Variants in SEZ6L observed in about 807,000 individuals in gnomAD.
The protein encoded by SEZ6L is seizure related 6 homolog like.
A neutral mutation model predicts 106.2 loss-of-function variants in SEZ6L; 37 were observed. The ratio of observed to expected loss-of-function variants is 0.35; its 90% CI spans 0.27 to 0.46. The LOEUF (loss-of-function observed/expected upper bound fraction) is 0.46. Ranked by LOEUF, SEZ6L falls within the 20% of genes least tolerant of loss-of-function variation. The pLI is 1.00. For synonymous variants in SEZ6L, 541 were observed against 570.4 expected (o/e 0.95, Z 0.73); for missense variants, 1,172 against 1,332.8 (o/e 0.88, Z 1.88).
At chr22:26,235,094 A>G (rs1190324133) in intron 1 of SEZ6L, among the ~76,000 whole-genome samples, 2 of 152,196 alleles carry the variant, frequency 1.3e-5, no homozygotes, top group African/African-American at 4.8e-5. Flanking sequence ...TCCATCCCCT[A>G]CAGTAGTGAA....
At position 26,333,728 on chromosome 22, in the gene SEZ6L, G is replaced by A. The variant is rs149796791; in HGVS notation, c.2016-6708G>A. Among the ~76,000 whole-genome samples the A allele has an allele frequency of 4.6e-5, 7 of 152,278 alleles. No individual in the cohort carries two copies. In the East Asian group the frequency reaches 1.2e-3, roughly 25 times the overall value. The stretch of plus-strand genomic sequence containing the variant: ...AGCAGATGAGCATCCCCAGACCAAT[G>A]GGGCCCCAAGTAATGACTGAGCTCC... On this transcript the variant is annotated intron_variant, in intron 9 of 16. Transcript: ENST00000248933.
chr22:26,303,518 G>A (rs780743506), intron 5 of SEZ6L, among the ~76,000 whole-genome samples: 8 of 152,224 alleles, frequency 5.3e-5, no homozygotes, highest in Non-Finnish European at 7.3e-5. Context: ...GTGGAGTAGT[G>A]ACTTCGATAA....
At chr22:26,360,420 G>A (rs1443034813) in intron 12 of SEZ6L, among the ~76,000 whole-genome samples, 2 of 152,216 alleles carry the variant, frequency 1.3e-5, no homozygotes, top group East Asian at 3.8e-4. Context: ...CATGAAGGCA[G>A]GGACCATGTT....
chr22:26,213,379 C>T (rs1019398321), intron 1 of SEZ6L, among the ~76,000 whole-genome samples: 2 of 152,318 alleles, frequency 1.3e-5, no homozygotes, highest in South Asian at 2.1e-4. Context: ...CGCTTTCCGA[C>T]GTGCAGAGCG....
chr22:26,239,983 AGGCTGG>A (rs770258626), intron 1 of SEZ6L, among the ~76,000 whole-genome samples: 66 of 151,390 alleles, frequency 4.4e-4, no homozygotes, highest in Non-Finnish European at 8.5e-4. Context: ...TCCCTCAACA[AGGCTGG>A]GGCTGGGGCT....
At chr22:26,338,050 G>A (rs2082699295) in intron 9 of SEZ6L, among the ~76,000 whole-genome samples, 1 of 152,158 alleles carries the variant, frequency 6.6e-6, no homozygotes, top group African/African-American at 2.4e-5. Context: ...ACCACTGTTG[G>A]CCATTGGATG....
At position 26,375,742 on chromosome 22, in the gene SEZ6L, G is replaced by C. The variant is rs1277857729; in HGVS notation, c.2942+53G>C. The C allele has an allele frequency of 3.6e-6, 5 of 1,387,228 alleles. No homozygotes were observed. In the African/African-American group the frequency reaches 4.2e-5, roughly 12 times the overall value. 85.9% of individuals were successfully genotyped at this position (1,387,228 alleles called of 1,614,324 possible). A position where few individuals can be genotyped will look rare whatever the true frequency, so the allele number is the denominator to read the frequency against. ...CCAAGCACCCAGCCACCAGTACTCA[G>C]AGGGACTGGGCGGTTCACCTCTCTG... is the stretch of plus-strand genomic sequence containing the variant. On this transcript the variant is annotated intron_variant, in intron 15 of 16. Coordinates refer to ENST00000248933, the MANE Select transcript of SEZ6L (RefSeq NM_021115.5).
At chr22:26,309,668 T>C (rs1025552002) in intron 6 of SEZ6L, among the ~76,000 whole-genome samples, 3 of 152,134 alleles carry the variant, frequency 2.0e-5, no homozygotes, top group African/African-American at 7.2e-5. Context: ...AATCTCTGGC[T>C]TCCAGGTTCA....
chr22:26,331,206 C>G (rs1315538536), intron 9 of SEZ6L, among the ~76,000 whole-genome samples: 2 of 152,214 alleles, frequency 1.3e-5, no homozygotes, highest in African/African-American at 4.8e-5. Flanking sequence ...AGGTGAGCAG[C>G]AGGATTACAT....
At chr22:26,295,859 T>C (rs1395382989) in intron 3 of SEZ6L, among the ~76,000 whole-genome samples, 1 of 152,058 alleles carries the variant, frequency 6.6e-6, no homozygotes, top group Non-Finnish European at 1.5e-5. Context: ...GAGGTTGTTG[T>C]AGAATCGCAG....
chr22:26,193,719 A>G (rs1025951783), intron 1 of SEZ6L, among the ~76,000 whole-genome samples: 3 of 152,166 alleles, frequency 2.0e-5, no homozygotes, highest in African/African-American at 7.2e-5. Context: ...TTGAGTCTCC[A>G]TGATATACAG....
At chr22:26,326,704 C>T (rs763438443) in intron 9 of SEZ6L, among the ~76,000 whole-genome samples, 9 of 152,208 alleles carry the variant, frequency 5.9e-5, no homozygotes, top group African/African-American at 2.2e-4. Context: ...CAGCCAGCCT[C>T]CCTTGAGAGC....
intron 1 of SEZ6L, among the ~76,000 whole-genome samples, chr22:26,258,316 G>A (rs1432308808): frequency 3.3e-5 from 5 of 152,190 alleles, no homozygotes; most frequent in African/African-American, 1.2e-4. Context: ...CATAGCATGT[G>A]TCAGACATGT....
intron 12 of SEZ6L, among the ~76,000 whole-genome samples, chr22:26,361,349 C>CAAAA (rs57714714): frequency 3.6e-5 from 5 of 140,344 alleles, no homozygotes; most frequent in African/African-American, 1.3e-4. Flanking sequence ...AATACAAAAA[C>CAAAA]AAAAAAAATC....
At chr22:26,272,294 T>C (rs1315347040) in intron 1 of SEZ6L, among the ~76,000 whole-genome samples, 4 of 152,226 alleles carry the variant, frequency 2.6e-5, no homozygotes, top group Non-Finnish European at 5.9e-5. Flanking sequence ...GAGTTTTCTA[T>C]GTCCGAGTTA....
chr22:26,357,501 G>A (rs765424529), intron 12 of SEZ6L, among the ~76,000 whole-genome samples: 1 of 152,274 alleles, frequency 6.6e-6, no homozygotes, highest in South Asian at 2.1e-4. Context: ...CCTAGGCCGG[G>A]TTGTGTTTCT....
chr22:26,371,243 C>T (rs1293771233), intron 13 of SEZ6L, among the ~76,000 whole-genome samples: 1 of 152,134 alleles, frequency 6.6e-6, no homozygotes, highest in African/African-American at 2.4e-5. Context: ...GATGCTGGCA[C>T]TTTTCATCCT....
At chr22:26,232,265 T>C (rs559816014) in intron 1 of SEZ6L, among the ~76,000 whole-genome samples, 1 of 152,064 alleles carries the variant, frequency 6.6e-6, no homozygotes, top group East Asian at 1.9e-4. Context: ...TCCCCATCTA[T>C]GAAAGGAAGT....
chr22:26,223,742 T>C (rs1341257930), intron 1 of SEZ6L, among the ~76,000 whole-genome samples: 1 of 152,214 alleles, frequency 6.6e-6, no homozygotes, highest in Non-Finnish European at 1.5e-5. Flanking sequence ...TGGTGCCTGG[T>C]ACATGAAATG....
Sources: allele counts gnomAD v4.1 joint callset (sites outside exome capture counted in the v4.1 genomes callset), GRCh38; gene constraint gnomAD v4.1.1; transcripts MANE v1.5; gene names NCBI Gene and HGNC (gene_info 2026-07-23, HGNC 2026-07-21).